ZNF117: variants seen among roughly 807,000 people sequenced by gnomAD.
The protein encoded by ZNF117 is Krueppel-related zinc finger protein.
In ZNF117, 37 loss-of-function variants were observed where a neutral mutation model predicts 41.2. That is an observed-to-expected ratio of 0.90 (90% CI 0.69 to 1.18). The LOEUF is 1.18. Among genes scored for constraint, ZNF117 ranks in the 50% most tolerant of loss-of-function variants. The pLI is 0.00. For missense variants in ZNF117, 546 were observed against 557.5 expected, an observed-to-expected ratio of 0.98 and a Z score of 0.21; for synonymous variants, 186 against 186.6, an observed-to-expected ratio of 1.00 and a Z score of 0.02.
chr7:64,971,856 TAAA>T (rs1785789652), downstream of ZNF117: 1 of 151,996 alleles, frequency 6.6e-6, no homozygotes, highest in African/African-American at 2.4e-5. Flanking sequence ...TACTTGAAAT[TAAA>T]AAGCTGCTTC....
intron 1 of ZNF117, among the ~76,000 whole-genome samples, chr7:64,981,769 G>T (rs1454314923): frequency 1.3e-5 from 2 of 152,032 alleles, no homozygotes; most frequent in African/African-American, 4.8e-5. Flanking sequence ...CACTAATCAA[G>T]ACTGAATGAT....
chr7:64,987,682 T>C (rs913154631), intron 1 of ZNF117, among the ~76,000 whole-genome samples: 1 of 151,818 alleles, frequency 6.6e-6, no homozygotes, highest in Admixed American at 6.6e-5. Flanking sequence ...CTAAAAAATC[T>C]GAAAGAAATA....
exon 3 of ZNF117, chr7:64,979,235 T>G (rs3807068): frequency 0.39 from 620,411 of 1,605,978 alleles, 121,110 homozygotes; most frequent in East Asian, 0.41. Flanking sequence ...TGCGACATTC[T>G]TTACATTTAA....
intron 1 of ZNF117, among the ~76,000 whole-genome samples, chr7:64,989,146 T>TACAC (rs148723682): frequency 0.89 from 131,708 of 148,528 alleles, 58,956 homozygotes; most frequent in South Asian, 0.96. Context: ...AGGCAATGTA[T>TACAC]ACACACACAC....
chr7:64,989,462 T>TAC (rs1786209093), intron 1 of ZNF117, among the ~76,000 whole-genome samples: 1 of 42,762 alleles, frequency 2.3e-5, no homozygotes, highest in African/African-American at 8.3e-5. Context: ...TATATATATA[T>TAC]ATATATATAT....
chr7:64,978,357 C>T, exon 3 of ZNF117: 1 of 1,610,016 alleles, frequency 6.2e-7, no homozygotes, highest in South Asian at 1.1e-5. Flanking sequence ...CTTACATGTA[C>T]TAAGTTTTGA....
At chr7:64,985,471 G>A (rs1208711232), upstream of ZNF117, among the ~76,000 whole-genome samples, 1 of 152,214 alleles carries the variant, frequency 6.6e-6, no homozygotes, top group South Asian at 2.1e-4. Context: ...AAACAAATCT[G>A]TGTCTACCTT....
exon 3 of ZNF117, chr7:64,976,873 C>A: frequency 2.1e-6 from 1 of 475,280 alleles, no homozygotes; most frequent in South Asian, 1.5e-5. Context: ...TAGTTACAAG[C>A]ATTGCCACAT....
intron 1 of ZNF117, 143 bp from the exon 3 acceptor site, chr7:64,981,625 AT>A: frequency 1.3e-6 from 1 of 767,620 alleles, no homozygotes; most frequent in Non-Finnish European, 2.0e-6. Flanking sequence ...ATTTCTAAAG[AT>A]TTAGAAAATA....
At chr7:64,977,426 A>C in exon 3 of ZNF117, 1 of 441,042 alleles carries the variant, frequency 2.3e-6, no homozygotes, top group Non-Finnish European at 4.5e-6. Flanking sequence ...GAATTTTCTT[A>C]TGTGTAGTAA....
exon 3 of ZNF117, chr7:64,974,683 CA>C (rs1045853757): frequency 6.6e-6 from 1 of 151,788 alleles, no homozygotes; most frequent in African/African-American, 2.4e-5. Flanking sequence ...AAGAAAAATA[CA>C]TAACAAAATT....
chr7:64,978,255 T>G lies in ZNF117; in HGVS notation c.1316A>C (p.His439Pro). 4 of 1,595,580 alleles carry G rather than the reference T, an allele frequency of 2.5e-6. No individual in the cohort carries two copies. In the South Asian group the frequency reaches 4.5e-5, roughly 18 times the overall value. The change falls in exon 3 of 3, where the codon CAT (histidine) becomes CCT (proline). Residue 439 changes from histidine (H) to proline (P), a missense_variant. Coordinates refer to ENST00000620222, the Ensembl canonical transcript of ZNF117. ...ACATTTGTAGGGTTTCTCTCCAGTATGAATTCTCTTATGTCCAATAAGGGT... is the reference window on the plus strand; with the variant it reads ...ACATTTGTAGGGTTTCTCTCCAGTAGGAATTCTCTTATGTCCAATAAGGGT...
exon 3 of ZNF117, chr7:64,976,697 C>A: frequency 3.3e-6 from 1 of 301,106 alleles, no homozygotes; most frequent in Non-Finnish European, 6.5e-6. Context: ...AGTGTGACAA[C>A]CATTTAAAGG....
upstream of ZNF117, among the ~76,000 whole-genome samples, chr7:64,986,174 G>A (rs890368963): frequency 4.6e-5 from 7 of 151,972 alleles, no homozygotes; most frequent in Middle Eastern, 3.4e-3. Context: ...AAATCCATGG[G>A]TGTATCAATC....
At chr7:64,984,315 A>G (rs1786091004), upstream of ZNF117, among the ~76,000 whole-genome samples, 1 of 152,204 alleles carries the variant, frequency 6.6e-6, no homozygotes, top group African/African-American at 2.4e-5. Flanking sequence ...TATTTTTAGT[A>G]GAGACAGGGT....
At chr7:64,982,732 G>GA (rs1786058289), upstream of ZNF117, among the ~76,000 whole-genome samples, 1 of 152,130 alleles carries the variant, frequency 6.6e-6, no homozygotes, top group Admixed American at 6.6e-5. Flanking sequence ...TATACGCACA[G>GA]AAAACCTAAG....
chr7:64,987,294 G>C (rs543553836), intron 1 of ZNF117, among the ~76,000 whole-genome samples: 1 of 152,186 alleles, frequency 6.6e-6, no homozygotes, highest in Admixed American at 6.5e-5. Flanking sequence ...ACACAGCTAA[G>C]GCAGTGTTAA....
chr7:64,977,028 A>G (rs4607487), exon 3 of ZNF117: 497,990 of 534,014 alleles, frequency 0.93, 233,212 homozygotes, highest in South Asian at 0.97. Context: ...GTTTGAGGAT[A>G]AGTTAAAAGC....
At chr7:64,990,203 A>G (rs1193873043) in exon 1 of ZNF117, 4 of 152,264 alleles carry the variant, frequency 2.6e-5, no homozygotes, top group Non-Finnish European at 4.4e-5. Flanking sequence ...CACGTTGTTA[A>G]TTATTAGAAA....
Sources: gnomAD v4.1 joint callset for allele counts (sites outside exome capture counted in the v4.1 genomes callset) on GRCh38, gnomAD v4.1.1 for gene constraint, MANE v1.5 for transcripts, NCBI Gene and HGNC (gene_info 2026-07-23, HGNC 2026-07-21) for gene names.